The following LAMA3 variants were observed in gnomAD, a reference collection of about 807,000 sequenced individuals.
LAMA3 encodes laminin subunit alpha 3.
Under a neutral mutation model 402.0 loss-of-function variants are expected in LAMA3, and 281 were observed. The observed-to-expected ratio is 0.70, with a 90% confidence interval of 0.63 to 0.77. The LOEUF (loss-of-function observed/expected upper bound fraction) is 0.77, where lower values mean the gene tolerates loss of function less well. Among genes scored for constraint, LAMA3 ranks in the 30% least tolerant of loss-of-function variants. The pLI is 0.00. For synonymous variants in LAMA3, 1,431 were observed against 1,558.4 expected, an observed-to-expected ratio of 0.92 and a Z score of 1.93; for missense variants, 3,840 against 4,215.5, an observed-to-expected ratio of 0.91 and a Z score of 2.47.
intron 38 of LAMA3, chr18:23,873,115 A>T (rs1349909774): frequency 6.2e-7 from 1 of 1,614,066 alleles, no homozygotes; most frequent in African/African-American, 1.3e-5. Context: ...GCCCTGGGGC[A>T]GTGTCTGGGC....
intron 61 of LAMA3, 106 bp from the exon 62 acceptor site, chr18:23,921,345 TA>T: frequency 8.1e-7 from 1 of 1,233,986 alleles, no homozygotes; most frequent in Non-Finnish European, 1.1e-6. Flanking sequence ...ACTATGTATA[TA>T]AATGAATCTG....
rs1334116389 is a variant in LAMA3, at chr18:23,918,102, T to G, written c.7923+1407T>G. On this transcript the variant is annotated intron_variant, in intron 60 of 74. Transcript: ENST00000313654. The surrounding 1 kb of genome is among the most constrained non-coding windows in gnomAD (Gnocchi z 4.1). ...AGGAAGGGGTCCAGTTTCAGTCTTG[T>G]GCATATGACTAGCCAGTTATCCCAG... Among the ~76,000 whole-genome samples the G allele has an allele frequency of 6.6e-6, 1 of 152,210 alleles. No homozygotes were observed. The highest frequency in any genetic ancestry group is 1.9e-4 in the East Asian group (1 of 5,204).
In LAMA3 at chr18:23,895,016, G is replaced by A. The variant is rs546675242; in HGVS notation, c.5571G>A (p.Leu1857=). 33 of 1,611,594 alleles carry A rather than the reference G, an allele frequency of 2.0e-5. No homozygotes were observed. The South Asian group carries it at 3.3e-4, about 16-fold the overall frequency. Residue 1857 remains leucine (L), a synonymous_variant, in exon 44 of 75, where the codon CTG becomes CTA. Transcript: ENST00000313654. Reference sequence around the variant, plus strand: ...GCCTGAGTGCCAGCGCAGGGCTTCTGGAGCAGATGAGGCACATGGAGACCC... The same window carrying A: ...GCCTGAGTGCCAGCGCAGGGCTTCTAGAGCAGATGAGGCACATGGAGACCC... ...LQGLSASAGL[L]EQMRHMETQA... is the part of the protein sequence containing the mutation.
chr18:23,767,292 C>T (rs748989679), intron 8 of LAMA3, among the ~76,000 whole-genome samples: 4 of 152,206 alleles, frequency 2.6e-5, no homozygotes, highest in Non-Finnish European at 5.9e-5. Context: ...AGTGGCCATA[C>T]TGCCCAAAGC....
chr18:23,851,421 C>A (rs547969758), intron 32 of LAMA3, among the ~76,000 whole-genome samples: 1 of 152,284 alleles, frequency 6.6e-6, no homozygotes, highest in South Asian at 2.1e-4. Context: ...CTGTCTCTGC[C>A]GCTCACTCTC....
intron 67 of LAMA3, among the ~76,000 whole-genome samples, chr18:23,937,849 T>C (rs1362509688): frequency 6.6e-6 from 1 of 152,162 alleles, no homozygotes; most frequent in Non-Finnish European, 1.5e-5. Flanking sequence ...TGATTTCAAG[T>C]TTGCGTTCTG....
At chr18:23,787,519 T>G (rs2062569031) in intron 12 of LAMA3, among the ~76,000 whole-genome samples, 1 of 152,136 alleles carries the variant, frequency 6.6e-6, no homozygotes, top group Admixed American at 6.5e-5. Context: ...ATATTATAGT[T>G]AAAATCATAA....
chr18:23,914,232 C>T (rs2081531467), intron 56 of LAMA3, among the ~76,000 whole-genome samples, 178 bp from the exon 57 acceptor site: 1 of 152,194 alleles, frequency 6.6e-6, no homozygotes, highest in South Asian at 2.1e-4. Context: ...AGACAGCTCT[C>T]ACATTATTAA....
At chr18:23,887,480 T>C (rs1372167483) in intron 41 of LAMA3, among the ~76,000 whole-genome samples, 3 of 152,204 alleles carry the variant, frequency 2.0e-5, no homozygotes, top group Non-Finnish European at 4.4e-5. Context: ...TAATTAACAG[T>C]ACTTCTCTCA....
chr18:23,807,476 GTATGTGTGTGTGTC>G (rs756156382), intron 12 of LAMA3, among the ~76,000 whole-genome samples: 1 of 151,130 alleles, frequency 6.6e-6, no homozygotes, highest in African/African-American at 2.5e-5. Flanking sequence ...GTGTGTGTGT[GTATGTGTGTGTGTC>G]TGTGTGTGTA....
At chr18:23,733,271 C>T (rs889672372) in intron 2 of LAMA3, among the ~76,000 whole-genome samples, 5 of 152,034 alleles carry the variant, frequency 3.3e-5, no homozygotes, top group East Asian at 1.9e-4. Context: ...TGTATTAGTC[C>T]GTTTTCATGC....
chr18:23,773,655 C>T, intron 9 of LAMA3, 68 bp downstream of exon 9: 2 of 1,013,614 alleles, frequency 2.0e-6, no homozygotes, highest in African/African-American at 1.6e-5. Flanking sequence ...ATCAGGCTAA[C>T]TTTGGATCAG....
chr18:23,860,415 C>T (rs1055778320), intron 34 of LAMA3, among the ~76,000 whole-genome samples: 2 of 151,774 alleles, frequency 1.3e-5, no homozygotes, highest in Non-Finnish European at 2.9e-5. Flanking sequence ...TGCACCACCA[C>T]ACCTGGTTAA....
rs561378952 is a variant in LAMA3, at chr18:23,846,224, G to A, written c.3720-73G>A. The A allele has an allele frequency of 1.1e-4, 154 of 1,443,252 alleles. No individual in the cohort carries two copies. The African/African-American group carries it at 2.0e-3, about 18-fold the overall frequency. The allele number at this position is 1,443,252 out of a possible 1,614,324, so 89.4% of individuals were successfully genotyped here. A position where few individuals can be genotyped will look rare whatever the true frequency, so the allele number is the denominator to read the frequency against. On this transcript the variant is annotated intron_variant, in intron 30 of 74. Coordinates refer to ENST00000313654, the MANE Select transcript of LAMA3 (RefSeq NM_198129.4). The stretch of plus-strand genomic sequence containing the variant: ...CAGATGCTGCTGGGTGGAGCAGGTG[G>A]TAAAGGCAAGGTTGAGGCCACTCCC...
rs755954570 is a variant in LAMA3, at chr18:23,951,696, A to G, written c.9655A>G (p.Met3219Val). The G allele has an allele frequency of 1.2e-6, 2 of 1,613,838 alleles. No homozygotes were observed. The highest frequency in any genetic ancestry group is 2.2e-5 in the East Asian group (1 of 44,858). The change falls in exon 73 of 75, where the codon ATG becomes GTG. Residue 3219 changes from methionine (M) to valine (V), a missense_variant. Transcript: ENST00000313654. ...ATGTGTGTTCCAGGTCACGGCCTCT[A>G]TGGACAGTGGGGCAGGTGGGACCTC... ...YLEAGKVTAS[M>V]DSGAGGTSTS...
intron 35 of LAMA3, among the ~76,000 whole-genome samples, chr18:23,862,657 C>T (rs1893290): frequency 0.8 from 121,316 of 152,196 alleles, 49,109 homozygotes; most frequent in African/African-American, 0.95. Context: ...CGCTATATGA[C>T]GGGCCCATGT....
intron 6 of LAMA3, among the ~76,000 whole-genome samples, chr18:23,754,770 A>C (rs1018064038): frequency 4.6e-5 from 7 of 152,254 alleles, no homozygotes; most frequent in African/African-American, 1.7e-4. Context: ...AGGGCTGGAA[A>C]TTACCGGATG....
chr18:23,787,300 A>T (rs997796302), intron 12 of LAMA3, among the ~76,000 whole-genome samples: 5 of 152,086 alleles, frequency 3.3e-5, no homozygotes, highest in African/African-American at 1.2e-4. Context: ...TAAATAAATA[A>T]ACAGAACCTG....
chr18:23,803,915 C>T (rs998901595), intron 12 of LAMA3, among the ~76,000 whole-genome samples: 11 of 152,262 alleles, frequency 7.2e-5, no homozygotes, highest in African/African-American at 1.9e-4. Flanking sequence ...TGGAGTGTGG[C>T]GTTCTTTGCA....
Sources: allele counts gnomAD v4.1 joint callset (sites outside exome capture counted in the v4.1 genomes callset), GRCh38; gene constraint gnomAD v4.1.1; non-coding constraint Gnocchi (gnomAD v3.1); transcripts MANE v1.5; gene names NCBI Gene and HGNC (gene_info 2026-07-23, HGNC 2026-07-21).